Variants in LRMDA observed in about 807,000 individuals in gnomAD.
LRMDA encodes leucine rich melanocyte differentiation associated, also known as leucine-rich melanocyte differentiation-associated protein.
In LRMDA, 18 loss-of-function variants were observed where a neutral mutation model predicts 29.8. The observed-to-expected ratio is 0.60, with a 90% CI of 0.42 to 0.90. The LOEUF is 0.90. LRMDA is among the 40% of genes least tolerant of loss of function. The probability of loss-of-function intolerance (pLI) is 0.00; values close to 1 mark genes in which losing one functional copy is unlikely to be tolerated. For missense variants in LRMDA, 273 were observed against 273.9 expected (o/e 1.00, Z 0.02); for synonymous variants, 125 against 109.4 (o/e 1.14, Z -0.89).
rs181863469 is a variant in LRMDA, at chr10:75,578,029, C to T, written c.131+139535C>T. 2.9e-3 allele frequency among the ~76,000 whole-genome samples: 446 copies of T among 151,958 alleles called. 4 individuals carry two copies. The highest frequency in any genetic ancestry group is 0.01 in the African/African-American group (417 of 41,458). ...CATCATAATGGCAGGATCAGTTTCA[C>T]ACATAACAATATTAACCTTAAATGT... On this transcript the variant is annotated intron_variant, in intron 2 of 6. Transcript: ENST00000611255.
intron 2 of LRMDA, among the ~76,000 whole-genome samples, chr10:75,794,946 T>A (rs1378569657): frequency 2.7e-5 from 1 of 37,016 alleles, no homozygotes; most frequent in Non-Finnish European, 1.3e-4. Context: ...CTATTTATCA[T>A]TTTTTTTTTT....
rs540757315 is a variant in LRMDA, at chr10:75,892,942, C to A, written c.132-143066C>A. ...AATAGAAAGCCCTAGTAGAGAGGAA[C>A]TGAGCAGCATAGACTTTTGGGCAAT... On this transcript the variant is annotated intron_variant, in intron 2 of 6. Transcript: ENST00000611255. 2.5e-4 allele frequency among the ~76,000 whole-genome samples: 38 copies of A among 152,318 alleles called. 1 individual carries two copies. The highest frequency in any genetic ancestry group is 2.4e-3 in the Admixed American group (37 of 15,302).
At chr10:75,956,890 A>T (rs1846672940) in intron 2 of LRMDA, among the ~76,000 whole-genome samples, 1 of 152,212 alleles carries the variant, frequency 6.6e-6, no homozygotes, top group Non-Finnish European at 1.5e-5. Context: ...GTAGTCTCTA[A>T]CTGGGCTACC....
intron 2 of LRMDA, among the ~76,000 whole-genome samples, chr10:75,560,033 T>C (rs1420781736): frequency 1.3e-5 from 2 of 151,302 alleles, no homozygotes; most frequent in Non-Finnish European, 2.9e-5. Flanking sequence ...TTTGGTTCCA[T>C]ATGAACTTTA....
intron 6 of LRMDA, among the ~76,000 whole-genome samples, chr10:76,392,985 G>A (rs899727349): frequency 6.6e-6 from 1 of 152,042 alleles, no homozygotes; most frequent in South Asian, 2.1e-4. Flanking sequence ...TAATCTCCAG[G>A]TTCATCCATG....
intron 2 of LRMDA, among the ~76,000 whole-genome samples, chr10:75,878,603 G>C (rs1445919225): frequency 2.0e-5 from 3 of 152,086 alleles, no homozygotes; most frequent in Non-Finnish European, 4.4e-5. Context: ...ACAGGATTGG[G>C]GGCATGGTGG....
chr10:76,009,598 C>T (rs1333294011), intron 2 of LRMDA, among the ~76,000 whole-genome samples: 1 of 152,172 alleles, frequency 6.6e-6, no homozygotes, highest in Non-Finnish European at 1.5e-5. Context: ...GCGTTACCTT[C>T]CAAACCTAAT....
chr10:76,148,353 T>A (rs1850370505), intron 5 of LRMDA, among the ~76,000 whole-genome samples: 1 of 152,226 alleles, frequency 6.6e-6, no homozygotes, highest in Non-Finnish European at 1.5e-5. Context: ...GCTTCCCGGC[T>A]GCTTTGTTTA....
At chr10:76,229,705 G>A (rs1852024682) in intron 5 of LRMDA, among the ~76,000 whole-genome samples, 1 of 152,104 alleles carries the variant, frequency 6.6e-6, no homozygotes, top group South Asian at 2.1e-4. Flanking sequence ...CCCACACTTT[G>A]AGGTATCTCT....
intron 2 of LRMDA, among the ~76,000 whole-genome samples, chr10:75,857,303 G>A (rs1006081749): frequency 7.2e-5 from 11 of 152,156 alleles, no homozygotes; most frequent in African/African-American, 2.4e-4. Context: ...GCATGTTTCC[G>A]AACCTCCTTT....
intron 5 of LRMDA, among the ~76,000 whole-genome samples, chr10:76,301,595 A>T (rs1297164827): frequency 6.6e-6 from 1 of 152,156 alleles, no homozygotes; most frequent in Non-Finnish European, 1.5e-5. Flanking sequence ...TTATGAACTG[A>T]CGGATCTCTC....
intron 6 of LRMDA, among the ~76,000 whole-genome samples, chr10:76,431,216 A>G (rs1358755798): frequency 6.6e-6 from 1 of 152,214 alleles, no homozygotes; most frequent in East Asian, 1.9e-4. Flanking sequence ...CAAGCAAGAT[A>G]ATAACTAGGT....
At chr10:75,672,532 TCCCCTC>T (rs1564536279) in intron 2 of LRMDA, among the ~76,000 whole-genome samples, 1 of 7,020 alleles carries the variant, frequency 1.4e-4, no homozygotes, top group African/African-American at 9.5e-4. Context: ...TTTCCTCCCC[TCCCCTC>T]CCCTCCCCTC....
At chr10:75,624,662 A>G (rs919896960) in intron 2 of LRMDA, among the ~76,000 whole-genome samples, 5 of 152,182 alleles carry the variant, frequency 3.3e-5, no homozygotes, top group Non-Finnish European at 5.9e-5. Flanking sequence ...CACAACTGAT[A>G]ACCAAGCTGG....
intron 2 of LRMDA, among the ~76,000 whole-genome samples, chr10:75,872,902 C>T (rs1267670608): frequency 6.6e-6 from 1 of 152,136 alleles, no homozygotes; most frequent in Non-Finnish European, 1.5e-5. Context: ...TTCTTAGAGA[C>T]AATAAGTGTA....
At position 76,047,148 on chromosome 10, in the gene LRMDA, T is replaced by G. The variant is rs1478432200; in HGVS notation, c.259-16T>G. The G allele has an allele frequency of 6.2e-7, 1 of 1,613,832 alleles. No individual in the cohort carries two copies. The highest frequency in any genetic ancestry group is 8.5e-7 in the Non-Finnish European group (1 of 1,179,866). On this transcript the variant is annotated splice_polypyrimidine_tract_variant and intron_variant, in intron 3 of 6. Coordinates refer to ENST00000611255, the MANE Select transcript of LRMDA (RefSeq NM_001305581.2). ...GCCTTTTGTCTTACTGGACCAAGAT[T>G]CTTAACCTTTGTCACATCACTGATT...
intron 2 of LRMDA, among the ~76,000 whole-genome samples, chr10:75,522,166 C>T (rs1845369335): frequency 6.6e-6 from 1 of 152,212 alleles, no homozygotes; most frequent in South Asian, 2.1e-4. Flanking sequence ...TATTAACTCA[C>T]TTAGTCCTTA....
chr10:76,226,378 T>G (rs973667235), intron 5 of LRMDA, among the ~76,000 whole-genome samples: 1 of 149,336 alleles, frequency 6.7e-6, no homozygotes. Flanking sequence ...AGGTCGGGAG[T>G]TCAAGACCAG....
intron 2 of LRMDA, among the ~76,000 whole-genome samples, chr10:75,509,283 T>G (rs1192876762): frequency 6.6e-6 from 1 of 152,072 alleles, no homozygotes; most frequent in Non-Finnish European, 1.5e-5. Flanking sequence ...TGTGTATATG[T>G]GTGTGTGTGT....
Sources: gnomAD v4.1 joint callset for allele counts (sites outside exome capture counted in the v4.1 genomes callset) on GRCh38, gnomAD v4.1.1 for gene constraint, MANE v1.5 for transcripts, NCBI Gene and HGNC (gene_info 2026-07-23, HGNC 2026-07-21) for gene names.